The following VMA22 variants were observed in gnomAD, a reference collection of about 807,000 sequenced individuals.
VMA22 encodes vacuolar ATPase assembly protein VMA22.
the VMA22 span, chr2:130,341,494 A>C: frequency 1.7e-6 from 1 of 599,796 alleles, no homozygotes; most frequent in Non-Finnish European, 3.0e-6. Flanking sequence ...ACTCACCAAC[A>C]ATTTCTCTAC....
At chr2:130,342,612 C>G in the VMA22 span, 3 of 468,014 alleles carry the variant, frequency 6.4e-6, no homozygotes, top group Non-Finnish European at 1.2e-5. Flanking sequence ...CATCTGAAAA[C>G]TGCATTCTGC....
At chr2:130,339,736 A>G in the VMA22 span, 4 of 1,303,958 alleles carry the variant, frequency 3.1e-6, no homozygotes, top group Admixed American at 2.3e-5. Context: ...TCCAGGAAAC[A>G]CTTTCTCTTC....
At chr2:130,338,994 G>A in the VMA22 span, 2 of 673,806 alleles carry the variant, frequency 3.0e-6, no homozygotes, top group Admixed American at 2.4e-5. Context: ...GCAGAGCAGG[G>A]ACACAGAAGG....
chr2:130,342,641 G>A, the VMA22 span: 1 of 486,638 alleles, frequency 2.1e-6, no homozygotes, highest in Non-Finnish European at 3.7e-6. Context: ...GGTGGGGGGA[G>A]GACGAGGATG....
chr2:130,342,319 A>C, the VMA22 span: 12 of 1,011,996 alleles, frequency 1.2e-5, no homozygotes, highest in African/African-American at 1.6e-5. Context: ...GAAGCAACCA[A>C]TCAACTGGTT....
chr2:130,339,272 G>GTGTTACACTACAGA, the VMA22 span: 1 of 1,560,038 alleles, frequency 6.4e-7, no homozygotes, highest in Non-Finnish European at 8.8e-7. Context: ...TATCTGTAGT[G>GTGTTACACTACAGA]TAACACACGA....
chr2:130,342,222 G>C, the VMA22 span: 26 of 1,555,228 alleles, frequency 1.7e-5, no homozygotes, highest in Non-Finnish European at 2.3e-5. Context: ...ATCAAGGGGC[G>C]TTCCCATCTG....
the VMA22 span, chr2:130,338,945 T>C: frequency 1.7e-6 from 1 of 596,052 alleles, no homozygotes; most frequent in Non-Finnish European, 3.0e-6. Context: ...AATTACTGTT[T>C]GCCTCTTCAA....
chr2:130,339,345 T>C, the VMA22 span: 9 of 1,339,892 alleles, frequency 6.7e-6, no homozygotes, highest in Admixed American at 2.4e-5. Flanking sequence ...CCCCCCACAC[T>C]TGTCCCAAAA....
chr2:130,340,145 C>T, the VMA22 span: 4 of 165,792 alleles, frequency 2.4e-5, no homozygotes, highest in African/African-American at 9.5e-5. Flanking sequence ...GACTCCTTTC[C>T]TTCCCTTACT....
the VMA22 span, chr2:130,342,048 C>A: frequency 6.2e-7 from 1 of 1,614,006 alleles, no homozygotes; most frequent in East Asian, 2.2e-5. Flanking sequence ...CCGTTCGTTT[C>A]CCCTCCAGCT....
At chr2:130,341,736 C>T in the VMA22 span, 15 of 1,611,362 alleles carry the variant, frequency 9.3e-6, no homozygotes. Context: ...TTCTGGAGTC[C>T]CTCCTGGGCC....
chr2:130,342,225 C>T, the VMA22 span: 10 of 1,554,426 alleles, frequency 6.4e-6, no homozygotes, highest in African/African-American at 9.6e-5. Flanking sequence ...AAGGGGCGTT[C>T]CCATCTGGGG....
chr2:130,341,984 G>T, the VMA22 span: 1 of 1,612,970 alleles, frequency 6.2e-7, no homozygotes, highest in Non-Finnish European at 8.5e-7. Flanking sequence ...GTTTACGCCC[G>T]TGTACCCTCC....
chr2:130,341,097 G>C, the VMA22 span: 2 of 1,499,188 alleles, frequency 1.3e-6, no homozygotes, highest in African/African-American at 2.8e-5. Context: ...TTATCATCTT[G>C]GTGACAATGT....
the VMA22 span, chr2:130,341,905 C>T: frequency 6.2e-7 from 1 of 1,612,214 alleles, no homozygotes; most frequent in South Asian, 1.1e-5. Context: ...ACCGACTTGG[C>T]GCCCATCGCG....
chr2:130,340,795 G>C, the VMA22 span: 1 of 1,348,028 alleles, frequency 7.4e-7, no homozygotes, highest in Non-Finnish European at 1.1e-6. Context: ...TTGGATGGAG[G>C]AAAACCTGCA....
At chr2:130,341,897 C>A in the VMA22 span, 1 of 1,613,462 alleles carries the variant, frequency 6.2e-7, no homozygotes, top group Non-Finnish European at 8.5e-7. Flanking sequence ...GGGGCCCTAC[C>A]GACTTGGCGC....
At chr2:130,342,389 T>C in the VMA22 span, 1 of 598,660 alleles carries the variant, frequency 1.7e-6, no homozygotes, top group Middle Eastern at 4.5e-4. Flanking sequence ...TTATAGGTGG[T>C]TCTGAGTCCT....
Sources: allele counts gnomAD v4.1 joint callset, GRCh38; gene constraint gnomAD v4.1.1; transcripts MANE v1.5; gene names NCBI Gene and HGNC (gene_info 2026-07-23, HGNC 2026-07-21).